The following KIDINS220 variants were observed in gnomAD, a reference collection of about 807,000 sequenced individuals.
KIDINS220 encodes kinase D-interacting substrate of 220 kDa.
KIDINS220 carries 63 observed loss-of-function variants against 157.6 expected under a neutral mutation model. The ratio of observed to expected loss-of-function variants is 0.40; its 90% CI spans 0.33 to 0.49. KIDINS220 has a LOEUF of 0.49. KIDINS220 is among the 20% of genes least tolerant of loss of function. The pLI, the probability that KIDINS220 is intolerant of heterozygous loss-of-function variation, is 0.66. For synonymous variants in KIDINS220, 732 were observed against 783.6 expected (o/e 0.93, Z 1.10); for missense variants, 1,772 against 2,171.2 (o/e 0.82, Z 3.65).
chr2:8,823,620 C>A (rs1340169079), intron 2 of KIDINS220, among the ~76,000 whole-genome samples: 1 of 152,048 alleles, frequency 6.6e-6, no homozygotes, highest in Non-Finnish European at 1.5e-5. Context: ...GTGCTTTACT[C>A]CTTATAGCAA....
chr2:8,781,127 A>G (rs1336037739), intron 17 of KIDINS220, among the ~76,000 whole-genome samples: 1 of 76,206 alleles, frequency 1.3e-5, no homozygotes, highest in Non-Finnish European at 2.5e-5. Flanking sequence ...GAGGGGGAGT[A>G]ACTATATTAA....
chr2:8,774,391 G>GAAAC (rs1670674679), intron 21 of KIDINS220, among the ~76,000 whole-genome samples: 1 of 151,486 alleles, frequency 6.6e-6, no homozygotes, highest in Non-Finnish European at 1.5e-5. Context: ...AAAAACCAAA[G>GAAAC]AAACAAACAA....
intron 12 of KIDINS220, 101 bp downstream of exon 12, chr2:8,793,709 G>A: frequency 9.0e-7 from 1 of 1,106,378 alleles, no homozygotes; most frequent in East Asian, 2.6e-5. Flanking sequence ...CAAGTGCTGG[G>A]ATTACAGGCA....
chr2:8,825,531 T>C (rs1190446535), intron 2 of KIDINS220, among the ~76,000 whole-genome samples: 1 of 152,116 alleles, frequency 6.6e-6, no homozygotes, highest in Non-Finnish European at 1.5e-5. Flanking sequence ...AAACTTTTTA[T>C]ATGTCTACAC....
At chr2:8,802,253 G>C (rs1483459031) in intron 8 of KIDINS220, among the ~76,000 whole-genome samples, 1 of 152,176 alleles carries the variant, frequency 6.6e-6, no homozygotes. Context: ...GTACACACGA[G>C]ATTTATTGTT....
Position 8,788,769 on chromosome 2 carries a change from A to G in KIDINS220, c.1665T>C (p.Asn555=), listed in dbSNP as rs1446603996. 1.9e-6 allele frequency: 3 copies of G among 1,613,982 alleles called. No homozygotes were observed. The highest frequency in any genetic ancestry group is 2.5e-6 in the Non-Finnish European group (3 of 1,180,000). ...ATCTAGTGCTGAGGACCCAGGCCCA[A>G]TTCCAACTCTCTCCTTCTCTTCGTC... The part of the protein sequence containing the change: ...FGGRREGESW[N]WAWVLSTRLA... The change falls in exon 15 of 30, where the codon AAT becomes AAC. Residue 555 remains asparagine, a synonymous_variant. Transcript: ENST00000256707.
At chr2:8,825,039 C>T (rs1678542534) in intron 2 of KIDINS220, among the ~76,000 whole-genome samples, 1 of 152,020 alleles carries the variant, frequency 6.6e-6, no homozygotes, top group African/African-American at 2.4e-5. Flanking sequence ...AAAGGGAGAG[C>T]TGCTGTTTAA....
At chr2:8,793,326 T>C (rs1673451333) in intron 12 of KIDINS220, among the ~76,000 whole-genome samples, 1 of 152,038 alleles carries the variant, frequency 6.6e-6, no homozygotes, top group Non-Finnish European at 1.5e-5. Flanking sequence ...AGACCTCGTC[T>C]CTACAAAAAA....
chr2:8,726,241 A>G (rs1206785285), downstream of KIDINS220, among the ~76,000 whole-genome samples: 2 of 152,116 alleles, frequency 1.3e-5, no homozygotes, highest in Non-Finnish European at 2.9e-5. Context: ...TGCCCATCCT[A>G]CAGCTACCCG....
intron 4 of KIDINS220, among the ~76,000 whole-genome samples, chr2:8,813,905 C>T (rs1449105517): frequency 1.3e-5 from 2 of 152,104 alleles, no homozygotes; most frequent in Non-Finnish European, 2.9e-5. Flanking sequence ...GCACAGGCGA[C>T]AGTGCGAGAC....
chr2:8,736,791 A>C, intron 27 of KIDINS220, 77 bp downstream of exon 27: 32 of 1,478,662 alleles, frequency 2.2e-5, no homozygotes, highest in Non-Finnish European at 2.9e-5. Context: ...AGCTATACAT[A>C]AAGTTTACAC....
At chr2:8,792,404 T>A (rs919916485) in intron 12 of KIDINS220, among the ~76,000 whole-genome samples, 1 of 152,088 alleles carries the variant, frequency 6.6e-6, no homozygotes, top group Non-Finnish European at 1.5e-5. Context: ...TCAATTTTTT[T>A]AAAATATTAA....
rs756108448 is a variant in KIDINS220, at chr2:8,800,454, A to T, written c.846T>A (p.Val282=). The change falls in exon 9 of 30, where the codon GTT becomes GTA. Residue 282 remains valine, a synonymous_variant. Coordinates refer to ENST00000256707, the MANE Select transcript of KIDINS220 (RefSeq NM_020738.4). The stretch of plus-strand genomic sequence containing the variant: ...TTTGGAGAAGCGCTCGAACAATTTC[A>T]ACATGACCACCTCTGACAGCGCCAA... ...VLIGAVRGGH[V]EIVRALLQKY... is the part of the protein sequence containing the mutation. 2.4e-5 allele frequency: 39 copies of T among 1,613,634 alleles called. No individual in the cohort carries two copies. The highest frequency in any genetic ancestry group is 3.3e-5 in the Non-Finnish European group (39 of 1,179,850).
chr2:8,787,424 G>A (rs1262762626), intron 15 of KIDINS220, among the ~76,000 whole-genome samples: 18 of 150,054 alleles, frequency 1.2e-4, no homozygotes, highest in Middle Eastern at 6.8e-3. Context: ...GCTGCAGTGC[G>A]GTGGCGTGAT....
intron 23 of KIDINS220, among the ~76,000 whole-genome samples, chr2:8,750,818 T>C (rs916553065): frequency 6.6e-6 from 1 of 152,160 alleles, no homozygotes; most frequent in Admixed American, 6.5e-5. Flanking sequence ...AACAGGTACC[T>C]AGAAAATAGA....
At position 8,747,155 on chromosome 2, in the gene KIDINS220, T is replaced by G; in HGVS notation, c.3575A>C (p.Asp1192Ala). The part of the protein sequence containing the change: ...DAAEGLSSPT[D>A]SSRGSGPAPG... ...GGACTACTCCATTACCCTCGAGGAG[T>G]CTGTGGGTGAAGAAAGCCCCTCAGC... The change falls in exon 26 of 30, where the codon GAC (aspartate) becomes GCC (alanine). Residue 1192 changes from aspartate to alanine, a missense_variant. Around this residue, in one of 3 missense-constraint regions of KIDINS220, gnomAD observed 793 missense variants for 885.5 expected, o/e 0.90. Transcript: ENST00000256707. 6.2e-7 allele frequency: 1 copy of G among 1,613,692 alleles called. No individual in the cohort carries two copies.
At chr2:8,752,674 C>T (rs1187607065) in intron 22 of KIDINS220, among the ~76,000 whole-genome samples, 9 of 151,856 alleles carry the variant, frequency 5.9e-5, no homozygotes, top group Admixed American at 2.6e-4. Flanking sequence ...GCAAAGAAAA[C>T]AAGAAATCAA....
chr2:8,766,179 C>T (rs900063026), intron 22 of KIDINS220, among the ~76,000 whole-genome samples: 3 of 142,980 alleles, frequency 2.1e-5, no homozygotes, highest in Non-Finnish European at 4.7e-5. Context: ...ACTGGTGACC[C>T]GACCTGACCT....
intron 22 of KIDINS220, chr2:8,757,469 T>C (rs2148085412): frequency 7.3e-7 from 1 of 1,367,950 alleles, no homozygotes; most frequent in Non-Finnish European, 9.4e-7. Context: ...CAAAGGGATA[T>C]GTGAGGCCGT....
Sources: gnomAD v4.1 joint callset for allele counts (sites outside exome capture counted in the v4.1 genomes callset) on GRCh38, gnomAD v4.1.1 for gene constraint, gnomAD v4.1.1 regional missense constraint, MANE v1.5 for transcripts, NCBI Gene and HGNC (gene_info 2026-07-23, HGNC 2026-07-21) for gene names.